DIAPH3: variants seen among roughly 807,000 people sequenced by gnomAD.
DIAPH3 encodes the protein protein diaphanous homolog 3.
DIAPH3 carries 117 observed loss-of-function variants against 144.3 expected under a neutral mutation model. That is an observed-to-expected ratio of 0.81 (90% CI 0.70 to 0.95). The LOEUF is 0.95. Among genes scored for constraint, DIAPH3 ranks in the 40% least tolerant of loss-of-function variants. The probability of loss-of-function intolerance (pLI) is 0.00; values close to 1 mark genes in which losing one functional copy is unlikely to be tolerated. For synonymous variants in DIAPH3, 519 were observed against 488.9 expected (o/e 1.06, Z -0.81); for missense variants, 1,421 against 1,412.7 (o/e 1.01, Z -0.09).
chr13:60,147,680 T>C (rs1278821624), intron 1 of DIAPH3, among the ~76,000 whole-genome samples: 1 of 152,192 alleles, frequency 6.6e-6, no homozygotes, highest in Non-Finnish European at 1.5e-5. Flanking sequence ...TGCAGGGACC[T>C]ACAAGTAAAT....
At chr13:60,002,139 C>T (rs927195612) in intron 9 of DIAPH3, among the ~76,000 whole-genome samples, 10 of 152,156 alleles carry the variant, frequency 6.6e-5, no homozygotes, top group African/African-American at 2.4e-4. Flanking sequence ...AGAAAGCCAC[C>T]TGGTGTTCTA....
At chr13:59,740,101 T>C (rs2036372891) in intron 27 of DIAPH3, among the ~76,000 whole-genome samples, 1 of 152,200 alleles carries the variant, frequency 6.6e-6, no homozygotes. Context: ...TCAGCAGATA[T>C]ACACCATTCA....
At chr13:60,136,268 T>C (rs1476638735) in intron 1 of DIAPH3, among the ~76,000 whole-genome samples, 1 of 152,182 alleles carries the variant, frequency 6.6e-6, no homozygotes. Context: ...GTACCTCTGT[T>C]TTATAGCCAC....
At chr13:59,840,466 T>A (rs1409243479) in intron 22 of DIAPH3, among the ~76,000 whole-genome samples, 1 of 150,792 alleles carries the variant, frequency 6.6e-6, no homozygotes, top group South Asian at 2.1e-4. Flanking sequence ...ACTGAGTTGT[T>A]TTTTTTTTAA....
chr13:59,957,910 G>A (rs2049501234), intron 17 of DIAPH3, among the ~76,000 whole-genome samples: 2 of 152,242 alleles, frequency 1.3e-5, no homozygotes, highest in East Asian at 1.9e-4. Context: ...CTGTCCCACT[G>A]TGACCTGTGA....
At chr13:59,977,093 C>T (rs1009379277) in intron 14 of DIAPH3, among the ~76,000 whole-genome samples, 8 of 151,626 alleles carry the variant, frequency 5.3e-5, no homozygotes, top group African/African-American at 1.9e-4. Context: ...CCGAGATATG[C>T]CCCCTCAGAG....
chr13:59,855,575 TAGA>T (rs2043210058), intron 22 of DIAPH3, among the ~76,000 whole-genome samples: 1 of 152,034 alleles, frequency 6.6e-6, no homozygotes, highest in Admixed American at 6.6e-5. Context: ...GTATACTTAC[TAGA>T]TGACTGCAGA....
chr13:60,055,353 T>C (rs2141265098), intron 4 of DIAPH3, among the ~76,000 whole-genome samples: 1 of 152,068 alleles, frequency 6.6e-6, no homozygotes. Context: ...AAAGCTGTCC[T>C]GCATTGGCCC....
At chr13:59,911,155 A>C (rs1365489889) in intron 20 of DIAPH3, among the ~76,000 whole-genome samples, 2 of 152,182 alleles carry the variant, frequency 1.3e-5, no homozygotes, top group Non-Finnish European at 2.9e-5. Context: ...AATCTTGATA[A>C]AAATCTTAAA....
intron 17 of DIAPH3, among the ~76,000 whole-genome samples, chr13:59,943,939 C>T (rs918546979): frequency 2.6e-5 from 4 of 151,962 alleles, no homozygotes; most frequent in African/African-American, 4.8e-5. Context: ...AGGCTGGGCA[C>T]GGTAGCTCAT....
rs539192278 is a variant in DIAPH3, at chr13:60,048,599, C to T, written c.496-5779G>A. Among the ~76,000 whole-genome samples the T allele has an allele frequency of 2.4e-3, 362 of 150,246 alleles. 2 individuals carry two copies. Among genetic ancestry groups the T allele is most frequent in the Middle Eastern group, 0.01 (3 of 292 alleles). ...GGTGGCATATAAAATGATACTATCA[C>T]CCTGGAAGATGTTTGTTTCTTTTAA... On this transcript the variant is annotated intron_variant, in intron 4 of 27. Transcript: ENST00000400324.
At chr13:59,765,186 G>A (rs533793546) in intron 27 of DIAPH3, among the ~76,000 whole-genome samples, 4 of 151,940 alleles carry the variant, frequency 2.6e-5, no homozygotes, top group South Asian at 2.1e-4. Context: ...TATTACTTCC[G>A]GTATTTTAAG....
chr13:59,773,354 C>T (rs1451627984), intron 27 of DIAPH3, among the ~76,000 whole-genome samples: 1 of 152,190 alleles, frequency 6.6e-6, no homozygotes, highest in Non-Finnish European at 1.5e-5. Context: ...GTTTTTCTCT[C>T]AGTCACATGT....
At chr13:59,882,677 G>C (rs910683366) in intron 20 of DIAPH3, among the ~76,000 whole-genome samples, 2 of 152,102 alleles carry the variant, frequency 1.3e-5, no homozygotes. Flanking sequence ...AAAAAGGAAA[G>C]GGTAAATGAA....
intron 20 of DIAPH3, among the ~76,000 whole-genome samples, chr13:59,891,699 G>A (rs915129477): frequency 4.6e-5 from 7 of 152,064 alleles, no homozygotes; most frequent in Admixed American, 2.6e-4. Flanking sequence ...TTTAAACAGG[G>A]AAACCACTGC....
chr13:59,754,086 T>A (rs545321908), intron 27 of DIAPH3, among the ~76,000 whole-genome samples: 1 of 152,280 alleles, frequency 6.6e-6, no homozygotes, highest in South Asian at 2.1e-4. Flanking sequence ...CCATCTAATC[T>A]GTCACAAAAC....
At chr13:59,774,068 A>G (rs959215924) in intron 27 of DIAPH3, 121 bp downstream of exon 27, 18 of 993,902 alleles carry the variant, frequency 1.8e-5, no homozygotes, top group Non-Finnish European at 2.8e-5. Context: ...GTACATGCAC[A>G]CATTTTTACT....
intron 5 of DIAPH3, among the ~76,000 whole-genome samples, chr13:60,030,863 C>A (rs933800250): frequency 6.6e-6 from 1 of 152,200 alleles, no homozygotes; most frequent in Non-Finnish European, 1.5e-5. Flanking sequence ...ATGAACAAGA[C>A]AGACATAGAC....
chr13:59,735,018 A>C (rs2036073580), intron 27 of DIAPH3, among the ~76,000 whole-genome samples: 1 of 152,166 alleles, frequency 6.6e-6, no homozygotes, highest in South Asian at 2.1e-4. Flanking sequence ...TTAGTAAGAA[A>C]AATCATATTT....
Sources: allele counts gnomAD v4.1 joint callset (sites outside exome capture counted in the v4.1 genomes callset), GRCh38; gene constraint gnomAD v4.1.1; transcripts MANE v1.5; gene names NCBI Gene and HGNC (gene_info 2026-07-23, HGNC 2026-07-21).